The following MALRD1 variants were observed in gnomAD, a reference collection of about 807,000 sequenced individuals.
The protein encoded by MALRD1 is MAM and LDL-receptor class A domain-containing protein 1.
Under a neutral mutation model 242.1 loss-of-function variants are expected in MALRD1, and 247 were observed. The observed-to-expected ratio is 1.02, with a 90% CI of 0.92 to 1.13. The LOEUF is 1.13. Among genes scored for constraint, MALRD1 ranks in the 50% most tolerant of loss-of-function variants. The probability of loss-of-function intolerance (pLI) is 0.00; values close to 1 mark genes in which losing one functional copy is unlikely to be tolerated. For missense variants in MALRD1, 2,989 were observed against 2,533.1 expected, an observed-to-expected ratio of 1.18 and a Z score of -3.86; for synonymous variants, 995 against 866.6, an observed-to-expected ratio of 1.15 and a Z score of -2.60.
At chr10:19,047,844 G>C (rs1360298558), upstream of MALRD1, among the ~76,000 whole-genome samples, 1 of 152,032 alleles carries the variant, frequency 6.6e-6, no homozygotes, top group Non-Finnish European at 1.5e-5. Context: ...TTCTGCCCCT[G>C]GTCTATGCTC....
chr10:19,724,817 A>G (rs533963505), intron 38 of MALRD1: 6 of 152,234 alleles, frequency 3.9e-5, no homozygotes, highest in Non-Finnish European at 5.9e-5. Flanking sequence ...GATACTATAT[A>G]TAAGCAATCT....
At chr10:19,242,444 A>G (rs544045940) in intron 18 of MALRD1, among the ~76,000 whole-genome samples, 33 of 152,236 alleles carry the variant, frequency 2.2e-4, no homozygotes, top group African/African-American at 6.3e-4. Flanking sequence ...CATTTGGTCT[A>G]TGGTATAGTT....
intron 24 of MALRD1, among the ~76,000 whole-genome samples, chr10:19,340,488 G>T (rs892117231): frequency 6.6e-6 from 1 of 151,992 alleles, no homozygotes; most frequent in Admixed American, 6.6e-5. Context: ...CAAAAAATAG[G>T]AGGAAAAGGG....
chr10:19,138,190 A>G (rs1833417259), intron 10 of MALRD1, among the ~76,000 whole-genome samples: 1 of 152,114 alleles, frequency 6.6e-6, no homozygotes, highest in Non-Finnish European at 1.5e-5. Flanking sequence ...TCGGCTAACC[A>G]GTGTGAGCTC....
intron 33 of MALRD1, among the ~76,000 whole-genome samples, chr10:19,576,492 G>A (rs1368160706): frequency 6.6e-6 from 1 of 152,108 alleles, no homozygotes. Context: ...GTATAATATA[G>A]AGCAAATGGA....
At position 19,302,410 on chromosome 10, in the gene MALRD1, A is replaced by T. The variant is rs562038649; in HGVS notation, c.3419+19229A>T. On this transcript the variant is annotated intron_variant, in intron 21 of 39. Coordinates refer to ENST00000454679, the MANE Select transcript of MALRD1 (RefSeq NM_001142308.3). The stretch of plus-strand genomic sequence containing the variant: ...AGTGACCATCATCCTATGAATGGAC[A>T]AACAAAAATGTTATATCCGTATAAG... Among the ~76,000 whole-genome samples the T allele has an allele frequency of 2.6e-5, 4 of 151,982 alleles. No homozygotes were observed. The East Asian group carries it at 7.8e-4, about 29-fold the overall frequency.
chr10:19,459,466 A>G (rs1311456220), intron 29 of MALRD1, among the ~76,000 whole-genome samples: 2 of 152,102 alleles, frequency 1.3e-5, no homozygotes, highest in African/African-American at 4.8e-5. Flanking sequence ...AACTAACTGC[A>G]TTGTTCTTCA....
chr10:19,380,355 T>C (rs1845786797), intron 26 of MALRD1, among the ~76,000 whole-genome samples: 1 of 151,544 alleles, frequency 6.6e-6, no homozygotes, highest in Non-Finnish European at 1.5e-5. Flanking sequence ...TTCCACACCA[T>C]GAGTTCCGCT....
intron 12 of MALRD1, 32 bp downstream of exon 12, chr10:19,155,204 T>G: frequency 2.0e-5 from 23 of 1,136,612 alleles, no homozygotes; most frequent in Non-Finnish European, 2.6e-5. Flanking sequence ...CCACTGGCCA[T>G]TCTGCGGTTG....
chr10:19,085,651 T>C (rs1487988847), intron 2 of MALRD1, among the ~76,000 whole-genome samples: 1 of 151,944 alleles, frequency 6.6e-6, no homozygotes, highest in African/African-American at 2.4e-5. Context: ...ATGACAAAGT[T>C]TTTATTTATA....
At chr10:19,707,193 C>T (rs1833905069) in intron 38 of MALRD1, among the ~76,000 whole-genome samples, 1 of 151,640 alleles carries the variant, frequency 6.6e-6, no homozygotes, top group Non-Finnish European at 1.5e-5. Context: ...CCTCCTCCTC[C>T]TTCTCTTCCT....
chr10:19,056,839 C>T (rs967390045), intron 1 of MALRD1, among the ~76,000 whole-genome samples: 1 of 151,896 alleles, frequency 6.6e-6, no homozygotes, highest in South Asian at 2.1e-4. Flanking sequence ...TGGCTTTTAC[C>T]GTATTCTGTC....
At chr10:19,285,538 G>C (rs1022090936) in intron 21 of MALRD1, among the ~76,000 whole-genome samples, 1 of 151,744 alleles carries the variant, frequency 6.6e-6, no homozygotes, top group African/African-American at 2.4e-5. Context: ...GTTTTTCTCA[G>C]GTTCGTCAAA....
In MALRD1 at chr10:19,280,218, C is replaced by G. The variant is rs1176793687; in HGVS notation, c.3251C>G (p.Ser1084Cys). ...YDCPDKSDEA[S>C]CVMEVCSFEK... ...TGCCCTGACAAATCAGATGAAGCAT[C>G]CTGTGGTAGGTGGATTCTTAAAATT... The change falls in exon 20 of 40, where the codon TCC becomes TGC. Residue 1084 changes from serine to cysteine, a missense_variant. Ser to Cys is a moderately radical substitution (Grantham distance 112). Coordinates refer to ENST00000454679, the MANE Select transcript of MALRD1 (RefSeq NM_001142308.3). 2 of 1,499,496 alleles carry G rather than the reference C, an allele frequency of 1.3e-6. No individual in the cohort carries two copies. Among genetic ancestry groups the G allele is most frequent in the Non-Finnish European group, 1.8e-6 (2 of 1,127,076 alleles). 92.9% of individuals were successfully genotyped at this position (1,499,496 alleles called of 1,614,324 possible).
At chr10:19,674,790 C>T (rs995879050) in intron 36 of MALRD1, among the ~76,000 whole-genome samples, 2 of 152,076 alleles carry the variant, frequency 1.3e-5, no homozygotes, top group South Asian at 4.2e-4. Context: ...AGACTGGTTT[C>T]TATTGACTTG....
chr10:19,342,129 G>C (rs968425484), intron 24 of MALRD1, among the ~76,000 whole-genome samples: 47 of 152,044 alleles, frequency 3.1e-4, no homozygotes, highest in Non-Finnish European at 7.4e-5. Context: ...TAGTAAGGTC[G>C]ACGTTCCATC....
Position 19,108,571 on chromosome 10 carries a change from C to T in MALRD1, c.694+4496C>T, listed in dbSNP as rs1156931885. On this transcript the variant is annotated intron_variant, in intron 5 of 39. Transcript: ENST00000454679. ...CTGGGACTACAGGTGCCCGCCACCG[C>T]GCCCGGCTAATTTTTTGTATTTTTT... is the stretch of plus-strand genomic sequence containing the variant. Among the ~76,000 whole-genome samples the T allele has an allele frequency of 4.4e-5, 3 of 67,758 alleles. 1 individual carries two copies. Among genetic ancestry groups the T allele is most frequent in the South Asian group, 9.5e-4 (2 of 2,096 alleles). 44.5% of individuals were successfully genotyped at this position (67,758 alleles called of 152,430 possible).
intron 36 of MALRD1, among the ~76,000 whole-genome samples, chr10:19,684,806 A>T (rs1842511106): frequency 6.6e-6 from 1 of 152,194 alleles, no homozygotes. Context: ...AAGCCTATGT[A>T]CTGTGAAACA....
In MALRD1 at chr10:19,700,021, GACACACACACACACACACACACAC is replaced by G. The variant is rs58040272; in HGVS notation, c.6314+7484_6314+7507del. Among the ~76,000 whole-genome samples, 10 of 141,272 alleles carry G rather than the reference GACACACACACACACACACACACAC, an allele frequency of 7.1e-5. No individual in the cohort carries two copies. The East Asian group carries it at 1.7e-3, about 24-fold the overall frequency. 92.7% of individuals were successfully genotyped at this position (141,272 alleles called of 152,430 possible). A position where few individuals can be genotyped will look rare whatever the true frequency, so the allele number is the denominator to read the frequency against. ...AAGGGTCCCAAGTGAAATTGATTTA[GACACACACACACACACACACACAC>G]ACACACACACACACACGAAATCATT... On this transcript the variant is annotated intron_variant, in intron 38 of 39. Transcript: ENST00000454679.
Sources: gnomAD v4.1 joint callset for allele counts (sites outside exome capture counted in the v4.1 genomes callset) on GRCh38, gnomAD v4.1.1 for gene constraint, MANE v1.5 for transcripts, NCBI Gene and HGNC (gene_info 2026-07-23, HGNC 2026-07-21) for gene names.